PARD6B: variants seen among roughly 807,000 people sequenced by gnomAD.
PARD6B encodes par-6 family cell polarity regulator beta, also known as partitioning defective 6 homolog beta.
In PARD6B, 4 loss-of-function variants were observed where a neutral mutation model predicts 10.5. The observed-to-expected ratio is 0.38, with a 90% confidence interval of 0.19 to 0.87. The LOEUF is 0.87. Among genes scored for constraint, PARD6B ranks in the 40% least tolerant of loss-of-function variants. PARD6B has a pLI of 0.41. For synonymous variants in PARD6B, 169 were observed against 170.4 expected (o/e 0.99, Z 0.07); for missense variants, 396 against 470.6 (o/e 0.84, Z 1.47).
Position 50,750,953 on chromosome 20 carries a change from GATTTTTTTTTTTTT to G in PARD6B, c.*466_*479del. ...TCTCATGTTCCCAATATTTTATTTT[GATTTTTTTTTTTTT>G]TTTTTTTTTTTTTTTTTTTAGTGAC... is the stretch of plus-strand genomic sequence containing the variant. On this transcript the variant is annotated 3_prime_UTR_variant, in exon 3 of 3. Transcript: ENST00000371610. 3 of 211,072 alleles carry G rather than the reference GATTTTTTTTTTTTT, an allele frequency of 1.4e-5. No individual in the cohort carries two copies. The highest frequency in any genetic ancestry group is 1.7e-5 in the Non-Finnish European group (3 of 172,230). The allele number at this position is 211,072 out of a possible 1,614,324, so 13.1% of individuals were successfully genotyped here.
chr20:50,734,720 C>T (rs1345251774), intron 1 of PARD6B, among the ~76,000 whole-genome samples: 1 of 151,940 alleles, frequency 6.6e-6, no homozygotes, highest in Non-Finnish European at 1.5e-5. Flanking sequence ...AGGGTTTTGC[C>T]ATGTTGGTCA....
chr20:50,733,734 T>C (rs1338415114), intron 1 of PARD6B, among the ~76,000 whole-genome samples: 1 of 152,220 alleles, frequency 6.6e-6, no homozygotes, highest in Admixed American at 6.5e-5. Context: ...GTTGAGGTTA[T>C]GGAAAGAAAA....
intron 2 of PARD6B, among the ~76,000 whole-genome samples, chr20:50,743,127 C>T (rs1236935034): frequency 1.3e-5 from 2 of 152,150 alleles, no homozygotes; most frequent in African/African-American, 2.4e-5. Context: ...TAAAAATACT[C>T]AGGTCATTCC....
intron 2 of PARD6B, among the ~76,000 whole-genome samples, chr20:50,741,315 C>T (rs956370563): frequency 1.3e-5 from 2 of 152,004 alleles, no homozygotes; most frequent in Admixed American, 6.6e-5. Context: ...AAGGACACTT[C>T]ACCCTCGGTT....
At position 50,749,955 on chromosome 20, in the gene PARD6B, A is replaced by T. The variant is rs751448780; in HGVS notation, c.586A>T (p.Arg196Trp). 6.2e-7 allele frequency: 1 copy of T among 1,614,220 alleles called. No homozygotes were observed. Among genetic ancestry groups the T allele is most frequent in the Non-Finnish European group, 8.5e-7 (1 of 1,180,040 alleles). The change falls in exon 3 of 3, where the codon AGG (arginine) becomes TGG (tryptophan). Residue 196 changes from arginine (R) to tryptophan (W), a missense_variant. Around this residue, in one of 2 missense-constraint regions of PARD6B, gnomAD observed 208 missense variants for 300.9 expected, o/e 0.69. Coordinates refer to ENST00000371610, the MANE Select transcript of PARD6B (RefSeq NM_032521.3). ...AAAGGTTCCAGGGATCTTTATATCC[A>T]GGCTTGTCCCAGGAGGTCTGGCTCA... ...LEKVPGIFIS[R>W]LVPGGLAQST...
Position 50,750,618 on chromosome 20 carries a change from ATATTAT to A in PARD6B, c.*133_*138del. The A allele has an allele frequency of 2.8e-6, 4 of 1,426,588 alleles. No individual in the cohort carries two copies. Among genetic ancestry groups the A allele is most frequent in the Non-Finnish European group, 3.7e-6 (4 of 1,094,504 alleles). 88.4% of individuals were successfully genotyped at this position (1,426,588 alleles called of 1,614,324 possible). A position where few individuals can be genotyped will look rare whatever the true frequency, so the allele number is the denominator to read the frequency against. On this transcript the variant is annotated 3_prime_UTR_variant, in exon 3 of 3. Transcript: ENST00000371610. ...AGACGAGTAACGTTGCAAGCTTACAATATTATTAAAGTAGTAGTTTGATAATTGTTA... is the reference window on the plus strand; with the variant it reads ...AGACGAGTAACGTTGCAAGCTTACAATAAAGTAGTAGTTTGATAATTGTTA...
At chr20:50,747,170 G>C (rs930244300) in intron 2 of PARD6B, among the ~76,000 whole-genome samples, 5 of 152,180 alleles carry the variant, frequency 3.3e-5, no homozygotes, top group African/African-American at 1.2e-4. Context: ...TGACATAATT[G>C]ATACTTGGCA....
At chr20:50,735,985 G>A (rs943697542) in intron 1 of PARD6B, among the ~76,000 whole-genome samples, 1 of 152,188 alleles carries the variant, frequency 6.6e-6, no homozygotes, top group Non-Finnish European at 1.5e-5. Flanking sequence ...GATATGAAGG[G>A]TGTTCCCTGA....
In PARD6B at chr20:50,750,988, G is replaced by GTTTTTTTTTTTTTTTTT. The variant is rs1568999536; in HGVS notation, c.*501_*502insTTTTTTTTTTTTTTTTT. 3.2e-6 allele frequency: 1 copy of GTTTTTTTTTTTTTTTTT among 312,234 alleles called. No individual in the cohort carries two copies. Among genetic ancestry groups the GTTTTTTTTTTTTTTTTT allele is most frequent in the Admixed American group, 3.4e-4 (1 of 2,910 alleles). 19.3% of individuals were successfully genotyped at this position (312,234 alleles called of 1,614,324 possible). A position where few individuals can be genotyped will look rare whatever the true frequency, so the allele number is the denominator to read the frequency against. ...TTTTTTTTTTTTTTTTTTTTTTTTA[G>GTTTTTTTTTTTTTTTTT]TGACTGGGTCTCACTCTGTTGCCCA... On this transcript the variant is annotated 3_prime_UTR_variant, in exon 3 of 3. Transcript: ENST00000371610.
chr20:50,737,973 C>G lies in PARD6B; in HGVS notation c.183C>G (p.Gly61=). ...TCCCCAATGTTGACGTTTTGGTAGG[C>G]TATGCAGACATCCATGGAGACTTAC... ...HKIPNVDVLV[G]YADIHGDLLP... The change falls in exon 2 of 3, where the codon GGC becomes GGG. Residue 61 remains glycine (G), a synonymous_variant. Coordinates refer to ENST00000371610, the MANE Select transcript of PARD6B (RefSeq NM_032521.3). The G allele has an allele frequency of 6.2e-7, 1 of 1,613,500 alleles. No homozygotes were observed. The highest frequency in any genetic ancestry group is 8.5e-7 in the Non-Finnish European group (1 of 1,179,700).
Position 50,750,640 on chromosome 20 carries a change from A to G in PARD6B, c.*152A>G. The G allele has an allele frequency of 7.1e-7, 1 of 1,409,680 alleles. No individual in the cohort carries two copies. The highest frequency in any genetic ancestry group is 2.6e-5 in the East Asian group (1 of 39,162). The allele number at this position is 1,409,680 out of a possible 1,614,324, so 87.3% of individuals were successfully genotyped here. On this transcript the variant is annotated 3_prime_UTR_variant, in exon 3 of 3. Coordinates refer to ENST00000371610, the MANE Select transcript of PARD6B (RefSeq NM_032521.3). ...ACAATATTATTAAAGTAGTAGTTTGATAATTGTTAATATAAACTTTGGTGG... is the reference window on the plus strand; with the variant it reads ...ACAATATTATTAAAGTAGTAGTTTGGTAATTGTTAATATAAACTTTGGTGG...
Position 50,750,198 on chromosome 20 carries a change from C to G in PARD6B, c.829C>G (p.Pro277Ala). Residue 277 changes from proline to alanine, a missense_variant, in exon 3 of 3, where the codon CCA becomes GCA. Physicochemically the swap from Pro to Ala is conservative, Grantham distance 27. Coordinates refer to ENST00000371610, the MANE Select transcript of PARD6B (RefSeq NM_032521.3). ...QSTDNSLLGYPQQIEPSFEPE... is the reference protein window; with the variant it reads ...QSTDNSLLGYAQQIEPSFEPE... ...TACTGATAACAGCCTTCTTGGCTAC[C>G]CACAGCAGATTGAACCAAGCTTTGA... is the stretch of plus-strand genomic sequence containing the variant. 1 of 1,614,118 alleles carries G rather than the reference C, an allele frequency of 6.2e-7. No individual in the cohort carries two copies. The highest frequency in any genetic ancestry group is 8.5e-7 in the Non-Finnish European group (1 of 1,180,020).
In PARD6B at chr20:50,749,913, A is replaced by C; in HGVS notation, c.544A>C (p.Thr182Pro). Reference sequence around the variant, plus strand: ...CCGGGATGGCTCCAGTGTCAGGGTAACACCACATGGCTTAGAAAAGGTTCC... The same window carrying C: ...CCGGGATGGCTCCAGTGTCAGGGTACCACCACATGGCTTAGAAAAGGTTCC... ...YIRDGSSVRVTPHGLEKVPGI... is the reference protein window; with the variant it reads ...YIRDGSSVRVPPHGLEKVPGI... The change falls in exon 3 of 3, where the codon ACA (threonine) becomes CCA (proline). Residue 182 changes from threonine to proline, a missense_variant. By Grantham distance (38) the Thr-to-Pro change is conservative (BLOSUM62 -1). Transcript: ENST00000371610. The C allele has an allele frequency of 6.2e-7, 1 of 1,614,230 alleles. No individual in the cohort carries two copies. Among genetic ancestry groups the C allele is most frequent in the Non-Finnish European group, 8.5e-7 (1 of 1,180,042 alleles).
Position 50,751,613 on chromosome 20 carries a change from T to C in PARD6B, c.*1125T>C. ...CGCCCGCCTCGGCCTCCCAAAGTGC[T>C]GGGATTACAGGCGTGAGCCACCGCG... On this transcript the variant is annotated 3_prime_UTR_variant, in exon 3 of 3. Coordinates refer to ENST00000371610, the MANE Select transcript of PARD6B (RefSeq NM_032521.3). The C allele has an allele frequency of 1.0e-6, 1 of 984,618 alleles. No homozygotes were observed. The highest frequency in any genetic ancestry group is 1.2e-6 in the Non-Finnish European group (1 of 829,280). 61.0% of individuals were successfully genotyped at this position (984,618 alleles called of 1,614,324 possible).
chr20:50,744,841 C>T (rs1568997527), intron 2 of PARD6B, among the ~76,000 whole-genome samples: 1 of 152,184 alleles, frequency 6.6e-6, no homozygotes, highest in Non-Finnish European at 1.5e-5. Context: ...AGGCCAGGTC[C>T]CCTTTACATA....
Position 50,750,123 on chromosome 20 carries a change from A to G in PARD6B, c.754A>G (p.Arg252Gly). The part of the protein sequence containing the change: ...LIITVRPANQ[R>G]NNVVRNSRTS... ...CATAACAGTGAGACCGGCAAACCAG[A>G]GGAATAATGTTGTGAGGAACAGTCG... is the stretch of plus-strand genomic sequence containing the variant. The change falls in exon 3 of 3, where the codon AGG (arginine) becomes GGG (glycine). Residue 252 changes from arginine to glycine, a missense_variant. By Grantham distance (125) the Arg-to-Gly change is moderately radical (BLOSUM62 -2). This residue lies in a region of PARD6B where 188 missense variants were observed against 169.7 expected (regional missense o/e 1.11). Transcript: ENST00000371610. The G allele has an allele frequency of 3.1e-6, 5 of 1,614,266 alleles. No homozygotes were observed. The highest frequency in any genetic ancestry group is 4.2e-6 in the Non-Finnish European group (5 of 1,180,044).
In PARD6B at chr20:50,751,723, CTTTTT is replaced by C; in HGVS notation, c.*1248_*1252del. On this transcript the variant is annotated 3_prime_UTR_variant, in exon 3 of 3. Coordinates refer to ENST00000371610, the MANE Select transcript of PARD6B (RefSeq NM_032521.3). ...TTCCCATGTTATAAAGCTGAGGAAG[CTTTTT>C]TTTTTTTTTTTTGAGACAGAGTCTC... The C allele has an allele frequency of 2.2e-6, 2 of 929,304 alleles. No homozygotes were observed. Among genetic ancestry groups the C allele is most frequent in the Non-Finnish European group, 1.2e-6 (1 of 800,880 alleles). 57.6% of individuals were successfully genotyped at this position (929,304 alleles called of 1,614,324 possible). A position where few individuals can be genotyped will look rare whatever the true frequency, so the allele number is the denominator to read the frequency against.
In PARD6B at chr20:50,753,018, T is replaced by A; in HGVS notation, c.*2530T>A. On this transcript the variant is annotated 3_prime_UTR_variant, in exon 3 of 3. Coordinates refer to ENST00000371610, the MANE Select transcript of PARD6B (RefSeq NM_032521.3). ...AGAAGGTTAACTTTCATTTATAATA[T>A]AAGTGGTGCAGGGGTTCAACATTTT... The A allele has an allele frequency of 1.0e-6, 1 of 982,802 alleles. No homozygotes were observed. The highest frequency in any genetic ancestry group is 1.2e-6 in the Non-Finnish European group (1 of 827,220). The allele number at this position is 982,802 out of a possible 1,614,324, so 60.9% of individuals were successfully genotyped here.
At chr20:50,743,015 A>T (rs542780257) in intron 2 of PARD6B, among the ~76,000 whole-genome samples, 38 of 152,168 alleles carry the variant, frequency 2.5e-4, no homozygotes, top group Non-Finnish European at 4.7e-4. Context: ...TTGATTCGGG[A>T]GATGGGGAAG....
Sources: allele counts gnomAD v4.1 joint callset (sites outside exome capture counted in the v4.1 genomes callset), GRCh38; gene constraint gnomAD v4.1.1; regional missense constraint gnomAD v4.1.1; transcripts MANE v1.5; gene names NCBI Gene and HGNC (gene_info 2026-07-23, HGNC 2026-07-21).